The following NMU variants were observed in gnomAD, a reference collection of about 807,000 sequenced individuals.
The protein encoded by NMU is neuromedin-U.
Under a neutral mutation model 35.4 loss-of-function variants are expected in NMU, and 29 were observed. The observed-to-expected ratio is 0.82, with a 90% CI of 0.61 to 1.12. NMU has a LOEUF of 1.12. Ranked by LOEUF, NMU falls within the 50% of genes most tolerant of loss-of-function variation. NMU has a pLI of 0.00. For missense variants in NMU, 199 were observed against 206.2 expected (o/e 0.97, Z 0.21); for synonymous variants, 78 against 81.3 (o/e 0.96, Z 0.22).
At chr4:55,603,857 A>C (rs1733528436) in intron 7 of NMU, among the ~76,000 whole-genome samples, 1 of 144,704 alleles carries the variant, frequency 6.9e-6, no homozygotes, top group Non-Finnish European at 1.5e-5. Context: ...GCTTGCAGTG[A>C]GCCGAGATCA....
chr4:55,627,536 TATC>T (rs1460808299), intron 2 of NMU, among the ~76,000 whole-genome samples: 1 of 152,094 alleles, frequency 6.6e-6, no homozygotes, highest in East Asian at 1.9e-4. Flanking sequence ...CAAATATATA[TATC>T]ATCATCTATT....
intron 1 of NMU, among the ~76,000 whole-genome samples, chr4:55,634,756 G>A (rs1320691568): frequency 6.6e-6 from 1 of 152,040 alleles, no homozygotes; most frequent in Non-Finnish European, 1.5e-5. Context: ...ATTTACCTTG[G>A]GGGAAAGTCA....
At chr4:55,616,718 T>C (rs947011325) in intron 2 of NMU, among the ~76,000 whole-genome samples, 2 of 152,212 alleles carry the variant, frequency 1.3e-5, no homozygotes, top group Non-Finnish European at 1.5e-5. Context: ...GGCTAAAGAA[T>C]GACCTTGAAA....
chr4:55,599,011 C>T (rs1733316215), intron 9 of NMU, 131 bp downstream of exon 9: 2 of 645,554 alleles, frequency 3.1e-6, no homozygotes, highest in African/African-American at 1.8e-5. Context: ...CATATGCAAT[C>T]AAATAATAGA....
At chr4:55,615,097 G>A (rs1372468719) in intron 3 of NMU, among the ~76,000 whole-genome samples, 1 of 152,190 alleles carries the variant, frequency 6.6e-6, no homozygotes, top group Non-Finnish European at 1.5e-5. Context: ...TATGCCGCAG[G>A]CGCATAGCTG....
chr4:55,605,373 TGAATAA>T, intron 6 of NMU, 24 bp from the exon 7 acceptor site: 1 of 1,567,674 alleles, frequency 6.4e-7, no homozygotes, highest in South Asian at 1.1e-5. Flanking sequence ...AACACACACG[TGAATAA>T]GTGCATGGCT....
chr4:55,628,859 G>A (rs1734646488), intron 2 of NMU, among the ~76,000 whole-genome samples: 1 of 151,712 alleles, frequency 6.6e-6, no homozygotes, highest in Non-Finnish European at 1.5e-5. Context: ...ATTTTTAGCA[G>A]AATGCTTAGC....
At chr4:55,635,611 A>G (rs1715865232) in intron 1 of NMU, among the ~76,000 whole-genome samples, 2 of 152,252 alleles carry the variant, frequency 1.3e-5, no homozygotes, top group Admixed American at 6.5e-5. Context: ...CTCACCAAAG[A>G]GGCTGAGCAC....
chr4:55,625,728 T>C (rs1734500180), intron 2 of NMU, among the ~76,000 whole-genome samples: 1 of 152,150 alleles, frequency 6.6e-6, no homozygotes, highest in South Asian at 2.1e-4. Flanking sequence ...TCCATTTGTA[T>C]ATGTTTTTGT....
chr4:55,607,258 CAAA>C (rs766388638), intron 6 of NMU, 37 bp downstream of exon 6: 2 of 1,443,894 alleles, frequency 1.4e-6, no homozygotes, highest in African/African-American at 2.8e-5. Context: ...TTCTTTTAAA[CAAA>C]TATTAGTGAT....
intron 1 of NMU, among the ~76,000 whole-genome samples, chr4:55,633,496 T>C (rs1321266320): frequency 6.6e-6 from 1 of 152,204 alleles, no homozygotes; most frequent in Non-Finnish European, 1.5e-5. Flanking sequence ...TTAGGTCACT[T>C]TCCATGTTTT....
At chr4:55,635,525 C>T (rs994151938) in intron 1 of NMU, among the ~76,000 whole-genome samples, 1 of 152,104 alleles carries the variant, frequency 6.6e-6, no homozygotes, top group African/African-American at 2.4e-5. Flanking sequence ...GGCACAAAGC[C>T]CACTCCTTCC....
At chr4:55,610,424 C>T (rs888677607) in intron 3 of NMU, among the ~76,000 whole-genome samples, 4 of 151,140 alleles carry the variant, frequency 2.6e-5, no homozygotes, top group African/African-American at 7.3e-5. Context: ...GATCTCGACA[C>T]TGCACTCCAG....
At chr4:55,625,167 A>AT (rs1333975611) in intron 2 of NMU, among the ~76,000 whole-genome samples, 3 of 89,242 alleles carry the variant, frequency 3.4e-5, no homozygotes, top group African/African-American at 1.2e-4. Context: ...TTAAAGTATA[A>AT]TTAAAAAAAA....
chr4:55,633,139 A>G (rs968772154), intron 1 of NMU, among the ~76,000 whole-genome samples: 3 of 151,990 alleles, frequency 2.0e-5, no homozygotes, highest in African/African-American at 4.8e-5. Context: ...CCTGGCTAAC[A>G]TGGTGAAACC....
chr4:55,618,685 TCTTTCTTCTCTCTC>T (rs1734213986), intron 2 of NMU, among the ~76,000 whole-genome samples: 1 of 113,452 alleles, frequency 8.8e-6, no homozygotes, highest in Non-Finnish European at 1.8e-5. Context: ...CTTTCTTCTC[TCTTTCTTCTCTCTC>T]TTCTTTCTTT....
intron 7 of NMU, among the ~76,000 whole-genome samples, chr4:55,603,367 T>A (rs1488807894): frequency 6.6e-6 from 1 of 151,876 alleles, no homozygotes; most frequent in East Asian, 1.9e-4. Context: ...AATAAAAGTA[T>A]CCAAATTAAA....
intron 1 of NMU, among the ~76,000 whole-genome samples, chr4:55,634,479 T>C (rs1415751428): frequency 6.6e-6 from 1 of 152,186 alleles, no homozygotes; most frequent in Non-Finnish European, 1.5e-5. Context: ...TCATCTCTTT[T>C]AGGAACCAGC....
At chr4:55,625,663 T>A (rs181460684) in intron 2 of NMU, among the ~76,000 whole-genome samples, 3 of 152,294 alleles carry the variant, frequency 2.0e-5, no homozygotes, top group Admixed American at 6.5e-5. Context: ...TTCCATTTCC[T>A]ACCCCCATTC....
Sources: allele counts gnomAD v4.1 joint callset (sites outside exome capture counted in the v4.1 genomes callset), GRCh38; gene constraint gnomAD v4.1.1; transcripts MANE v1.5; gene names NCBI Gene and HGNC (gene_info 2026-07-23, HGNC 2026-07-21).